The following CBL variants were observed in gnomAD, a reference collection of about 807,000 sequenced individuals.
CBL encodes the protein E3 ubiquitin-protein ligase CBL.
CBL carries 45 observed loss-of-function variants against 96.9 expected under a neutral mutation model. The observed-to-expected ratio is 0.46, with a 90% CI of 0.37 to 0.60. The LOEUF is 0.60. Among genes scored for constraint, CBL ranks in the 20% least tolerant of loss-of-function variants. The pLI is 0.00. For synonymous variants in CBL, 420 were observed against 426.8 expected (o/e 0.98, Z 0.20); for missense variants, 1,024 against 1,143.5 (o/e 0.90, Z 1.51).
chr11:119,294,425 CAA>C (rs762939448), intron 12 of CBL, among the ~76,000 whole-genome samples: 3 of 129,972 alleles, frequency 2.3e-5, no homozygotes, highest in Non-Finnish European at 1.7e-5. Flanking sequence ...TCTCCGTCTC[CAA>C]AAAAAAAAAA....
At chr11:119,222,488 G>GA (rs970426300) in intron 1 of CBL, among the ~76,000 whole-genome samples, 23 of 152,298 alleles carry the variant, frequency 1.5e-4, no homozygotes, top group African/African-American at 3.8e-4. Context: ...TGGTTTCCCG[G>GA]AGCTAAGCAC....
At position 119,307,342 on chromosome 11, in the gene CBL, A is replaced by G. The variant is rs1950152293; in HGVS notation, c.*7561A>G. ...TGACATTAATTACCTAGTTGTGTCG[A>G]GGAGTATAGGATGGACTCTCCTGAG... is the stretch of plus-strand genomic sequence containing the variant. On this transcript the variant is annotated 3_prime_UTR_variant, in exon 16 of 16. Transcript: ENST00000264033. 4.3e-6 allele frequency: 1 copy of G among 232,662 alleles called. No individual in the cohort carries two copies. Among genetic ancestry groups the G allele is most frequent in the Non-Finnish European group, 8.5e-6 (1 of 117,664 alleles). The allele number at this position is 232,662 out of a possible 1,614,324, so 14.4% of individuals were successfully genotyped here. A position where few individuals can be genotyped will look rare whatever the true frequency, so the allele number is the denominator to read the frequency against.
Position 119,266,018 on chromosome 11 carries a change from C to CAAAAAAAAAAAAAAA in CBL, c.444-5714_444-5700dup, listed in dbSNP as rs398017759. 1.1e-4 allele frequency among the ~76,000 whole-genome samples: 8 copies of CAAAAAAAAAAAAAAA among 75,994 alleles called. No homozygotes were observed. In the East Asian group the frequency reaches 1.5e-3, roughly 14 times the overall value. 49.9% of individuals were successfully genotyped at this position (75,994 alleles called of 152,430 possible). On this transcript the variant is annotated intron_variant, in intron 2 of 15. Transcript: ENST00000264033. ...TGGGCGACAGAGCGAGACTCCATCTCAAAAAAAAAAAAAAAAAGAAAGAAA... is the reference window on the plus strand; with the variant it reads ...TGGGCGACAGAGCGAGACTCCATCTCAAAAAAAAAAAAAAAAAAAAAAAAAAAAAAAAGAAAGAAA...
At chr11:119,281,684 A>T (rs1361078321) in intron 9 of CBL, among the ~76,000 whole-genome samples, 2 of 151,818 alleles carry the variant, frequency 1.3e-5, no homozygotes, top group African/African-American at 4.8e-5. Context: ...TTTTTAGTAG[A>T]AACAGGGTTT....
chr11:119,282,078 G>T (rs547398437), intron 9 of CBL, among the ~76,000 whole-genome samples: 8 of 151,918 alleles, frequency 5.3e-5, no homozygotes, highest in Non-Finnish European at 1.0e-4. Context: ...TGGCTCATGC[G>T]TGTAATCCCA....
intron 2 of CBL, among the ~76,000 whole-genome samples, chr11:119,235,133 AGATG>A (rs1323616132): frequency 6.6e-6 from 1 of 151,120 alleles, no homozygotes. Context: ...CTTTTTTTTG[AGATG>A]GAGTCTCACT....
At chr11:119,224,166 G>A (rs777280065) in intron 1 of CBL, among the ~76,000 whole-genome samples, 1 of 152,142 alleles carries the variant, frequency 6.6e-6, no homozygotes, top group Non-Finnish European at 1.5e-5. Flanking sequence ...AGGGGACATG[G>A]TACTAGTTTA....
intron 1 of CBL, among the ~76,000 whole-genome samples, chr11:119,229,736 T>G (rs1034978292): frequency 3.3e-5 from 5 of 152,048 alleles, no homozygotes; most frequent in African/African-American, 1.2e-4. Context: ...GTTTTGTTTT[T>G]TTTTTTTCTT....
At chr11:119,289,000 T>C (rs1026732406) in intron 12 of CBL, among the ~76,000 whole-genome samples, 1 of 152,218 alleles carries the variant, frequency 6.6e-6, no homozygotes, top group African/African-American at 2.4e-5. Context: ...GTTACTCATA[T>C]GTTGCCTGAT....
intron 1 of CBL, among the ~76,000 whole-genome samples, chr11:119,221,005 G>GAA (rs1439780004): frequency 6.6e-6 from 1 of 152,100 alleles, no homozygotes; most frequent in African/African-American, 2.4e-5. Context: ...CAGCACTTTG[G>GAA]GAGGCCGGGG....
At chr11:119,254,175 C>T (rs1179409958) in intron 2 of CBL, among the ~76,000 whole-genome samples, 2 of 151,798 alleles carry the variant, frequency 1.3e-5, no homozygotes, top group Non-Finnish European at 2.9e-5. Context: ...AGCAAGACCT[C>T]GTCTCTATAA....
Position 119,306,227 on chromosome 11 carries a change from G to T in CBL, c.*6446G>T. On this transcript the variant is annotated 3_prime_UTR_variant, in exon 16 of 16. Coordinates refer to ENST00000264033, the MANE Select transcript of CBL (RefSeq NM_005188.4). Reference sequence around the variant, plus strand: ...GACTAAGCTGTGTGGTGCTCTTGCCGCCCCTTCCTGGGTACAGAGCTTGAG... The same window carrying T: ...GACTAAGCTGTGTGGTGCTCTTGCCTCCCCTTCCTGGGTACAGAGCTTGAG... 1 of 398,580 alleles carries T rather than the reference G, an allele frequency of 2.5e-6. No individual in the cohort carries two copies. 24.7% of individuals were successfully genotyped at this position (398,580 alleles called of 1,614,324 possible).
chr11:119,212,939 C>T (rs1197786595), intron 1 of CBL, among the ~76,000 whole-genome samples: 3 of 150,010 alleles, frequency 2.0e-5, no homozygotes, highest in Non-Finnish European at 2.9e-5. Flanking sequence ...TGCTACTGAC[C>T]TCCAGCCTGG....
chr11:119,254,149 G>C (rs960606277), intron 2 of CBL, among the ~76,000 whole-genome samples: 1 of 152,082 alleles, frequency 6.6e-6, no homozygotes, highest in Admixed American at 6.6e-5. Flanking sequence ...AGGAGTTTGA[G>C]ACTAGCCTGT....
Position 119,298,507 on chromosome 11 carries a change from G to T in CBL, c.2401G>T (p.Gly801Cys), listed in dbSNP as rs1465141746. Residue 801 changes from glycine to cysteine, a missense_variant, in exon 15 of 16, where the codon GGC becomes TGC. Coordinates refer to ENST00000264033, the MANE Select transcript of CBL (RefSeq NM_005188.4). ...SDISNASSSF[G>C]WLSLDGDPTT... ...TATCTCTAATGCCAGCTCCTCCTTTGGCTGGTTGTCTCTGGATGGTGATCC... is the reference window on the plus strand; with the variant it reads ...TATCTCTAATGCCAGCTCCTCCTTTTGCTGGTTGTCTCTGGATGGTGATCC... 10 of 1,614,076 alleles carry T rather than the reference G, an allele frequency of 6.2e-6. No individual in the cohort carries two copies. The South Asian group carries it at 1.1e-4, about 18-fold the overall frequency.
chr11:119,257,302 C>A (rs1187383908), intron 2 of CBL, among the ~76,000 whole-genome samples: 2 of 152,206 alleles, frequency 1.3e-5, no homozygotes, highest in Non-Finnish European at 2.9e-5. Flanking sequence ...AATGGCCACT[C>A]TGGCTGGGGT....
Position 119,220,918 on chromosome 11 carries a change from G to A in CBL, c.196-11530G>A, listed in dbSNP as rs535663327. Among the ~76,000 whole-genome samples, 266 of 150,540 alleles carry A rather than the reference G, an allele frequency of 1.8e-3. 2 individuals carry two copies. The highest frequency in any genetic ancestry group is 6.2e-3 in the African/African-American group (253 of 40,844). On this transcript the variant is annotated intron_variant, in intron 1 of 15. Transcript: ENST00000264033. Reference sequence around the variant, plus strand: ...TAGTGATGACACTTTTTTTTTTCCTGTGATCAGTTGACTTTAAAATATGTT... The same window carrying A: ...TAGTGATGACACTTTTTTTTTTCCTATGATCAGTTGACTTTAAAATATGTT...
intron 2 of CBL, among the ~76,000 whole-genome samples, chr11:119,233,316 T>C (rs1351539974): frequency 1.3e-5 from 2 of 152,104 alleles, no homozygotes; most frequent in African/African-American, 4.8e-5. Flanking sequence ...AGTGGTGCGA[T>C]CTCAGCCTCC....
intron 2 of CBL, 140 bp from the exon 3 acceptor site, chr11:119,271,595 G>T: frequency 1.3e-6 from 1 of 764,692 alleles, no homozygotes; most frequent in Non-Finnish European, 2.2e-6. Flanking sequence ...AATAATACTG[G>T]CCAGAAAGAA....
Sources: gnomAD v4.1 joint callset for allele counts (sites outside exome capture counted in the v4.1 genomes callset) on GRCh38, gnomAD v4.1.1 for gene constraint, MANE v1.5 for transcripts, NCBI Gene and HGNC (gene_info 2026-07-23, HGNC 2026-07-21) for gene names.